Variants in NCAPG2 observed in about 807,000 individuals in gnomAD.
NCAPG2 encodes condensin-2 complex subunit G2.
Under a neutral mutation model 141.1 loss-of-function variants are expected in NCAPG2, and 53 were observed. That is an observed-to-expected ratio of 0.38 (90% confidence interval 0.30 to 0.47). The LOEUF (loss-of-function observed/expected upper bound fraction) is 0.47, where lower values mean the gene tolerates loss of function less well. Ranked by LOEUF, NCAPG2 falls within the 20% of genes least tolerant of loss-of-function variation. The pLI is 0.99. For synonymous variants in NCAPG2, 499 were observed against 490.7 expected, an observed-to-expected ratio of 1.02 and a Z score of -0.22; for missense variants, 1,087 against 1,389.0, an observed-to-expected ratio of 0.78 and a Z score of 3.46.
chr7:158,631,840 T>A, intron 27 of NCAPG2, 123 bp from the exon 28 acceptor site: 1 of 763,412 alleles, frequency 1.3e-6, no homozygotes, highest in Non-Finnish European at 2.2e-6. Context: ...AAAGTTGAAA[T>A]AATCTATAGA....
At chr7:158,666,824 C>T (rs1345855199) in intron 13 of NCAPG2, among the ~76,000 whole-genome samples, 1 of 152,088 alleles carries the variant, frequency 6.6e-6, no homozygotes, top group Non-Finnish European at 1.5e-5. Context: ...GTTGACATCT[C>T]CTGGCCCACT....
intron 12 of NCAPG2, among the ~76,000 whole-genome samples, chr7:158,674,661 T>A (rs4909093): frequency 5.3e-5 from 8 of 152,344 alleles, no homozygotes; most frequent in Admixed American, 5.2e-4. Flanking sequence ...CCACAGAAGC[T>A]CCCACTAGGG....
At chr7:158,664,120 TAA>T in intron 15 of NCAPG2, 62 bp downstream of exon 15, 1 of 1,220,508 alleles carries the variant, frequency 8.2e-7, no homozygotes, top group Non-Finnish European at 1.2e-6. Context: ...ATTCCTAACA[TAA>T]TGGCCCATGG....
intron 13 of NCAPG2, 133 bp from the exon 14 acceptor site, chr7:158,664,883 CTA>C: frequency 1.5e-6 from 1 of 684,470 alleles, no homozygotes; most frequent in Non-Finnish European, 2.4e-6. Flanking sequence ...CTTCGAATGA[CTA>C]CACCAAAATC....
Position 158,667,528 on chromosome 7 carries a change from C to CCCA in NCAPG2, c.1480-2779_1480-2778insTGG, listed in dbSNP as rs1187031783. Among the ~76,000 whole-genome samples the CCCA allele has an allele frequency of 6.2e-4, 31 of 49,656 alleles. 2 individuals carry two copies. The highest frequency in any genetic ancestry group is 2.3e-3 in the African/African-American group (22 of 9,440). 32.6% of individuals were successfully genotyped at this position (49,656 alleles called of 152,430 possible). On this transcript the variant is annotated intron_variant, in intron 13 of 27. Transcript: ENST00000356309. Reference sequence around the variant, plus strand: ...CTACTGGGTCCCTCCGCCCTCCTTACCTACCCTGTGGCCCTCCACCCGCTT... The same window carrying CCCA: ...CTACTGGGTCCCTCCGCCCTCCTTACCCACTACCCTGTGGCCCTCCACCCGCTT...
At position 158,669,233 on chromosome 7, in the gene NCAPG2, G is replaced by A. The variant is rs143077817; in HGVS notation, c.1479+2281C>T. On this transcript the variant is annotated intron_variant, in intron 13 of 27. Transcript: ENST00000356309. ...GTGAATAGTGCTTCAATGAACATACGCAAACATATATCTTTATAATAAAAT... is the reference window on the plus strand; with the variant it reads ...GTGAATAGTGCTTCAATGAACATACACAAACATATATCTTTATAATAAAAT... Among the ~76,000 whole-genome samples the A allele has an allele frequency of 4.7e-4, 71 of 152,194 alleles. 1 individual carries two copies. Among genetic ancestry groups the A allele is most frequent in the East Asian group, 2.5e-3 (13 of 5,182 alleles).
chr7:158,648,402 A>C (rs1831189634), intron 24 of NCAPG2, among the ~76,000 whole-genome samples: 1 of 152,212 alleles, frequency 6.6e-6, no homozygotes, highest in East Asian at 1.9e-4. Flanking sequence ...AGAAAAAAAA[A>C]CAGAAAGACT....
chr7:158,665,140 C>T (rs901784315), intron 13 of NCAPG2: 4 of 184,086 alleles, frequency 2.2e-5, no homozygotes, highest in Admixed American at 5.5e-5. Flanking sequence ...ACGTTTTTGA[C>T]GTGGACACTC....
At chr7:158,646,589 T>C (rs1260976905) in intron 24 of NCAPG2, 26 bp from the exon 25 acceptor site, 5 of 1,491,934 alleles carry the variant, frequency 3.4e-6, no homozygotes, top group African/African-American at 1.5e-5. Flanking sequence ...ATCAGCAAGT[T>C]GTAAACAGAG....
At chr7:158,677,525 C>CAAAAAAAA in intron 11 of NCAPG2, among the ~76,000 whole-genome samples, 8 of 90,400 alleles carry the variant, frequency 8.8e-5, no homozygotes, top group Admixed American at 1.1e-4. Context: ...AAAAATAAAG[C>CAAAAAAAA]AAAAAAAAAA....
At chr7:158,638,329 C>T (rs564102141) in intron 27 of NCAPG2, among the ~76,000 whole-genome samples, 3 of 152,318 alleles carry the variant, frequency 2.0e-5, no homozygotes, top group African/African-American at 7.2e-5. Context: ...CCCACTGCAA[C>T]CTCCACCTCA....
chr7:158,689,651 G>C (rs554582628), intron 6 of NCAPG2, among the ~76,000 whole-genome samples, 168 bp downstream of exon 6: 1 of 152,298 alleles, frequency 6.6e-6, no homozygotes, highest in East Asian at 1.9e-4. Flanking sequence ...GCAAGGACTT[G>C]TAAAATGTCT....
At chr7:158,653,855 TA>T (rs1309109798) in intron 22 of NCAPG2, among the ~76,000 whole-genome samples, 1 of 151,796 alleles carries the variant, frequency 6.6e-6, no homozygotes, top group East Asian at 2.0e-4. Flanking sequence ...GGATACTACT[TA>T]AAAACCATCC....
At chr7:158,671,174 TGG>T (rs1223521025) in intron 13 of NCAPG2, among the ~76,000 whole-genome samples, 1 of 1,284 alleles carries the variant, frequency 7.8e-4, no homozygotes, top group Admixed American at 0.011. Flanking sequence ...GGCAGGGGGG[TGG>T]GGGTGGGGGG....
Position 158,671,584 on chromosome 7 carries a change from T to C in NCAPG2, c.1409A>G (p.Asp470Gly). 1 of 1,614,238 alleles carries C rather than the reference T, an allele frequency of 6.2e-7. No homozygotes were observed. Among genetic ancestry groups the C allele is most frequent in the Non-Finnish European group, 8.5e-7 (1 of 1,180,040 alleles). Residue 470 changes from aspartate (D) to glycine (G), a missense_variant, in exon 13 of 28, where the codon GAC becomes GGC. Transcript: ENST00000356309. ...LLPALRYSLH[D>G]NSEKVRVAFV... ...AGCTACCCTCACTTTCTCCGAATTG[T>C]CGTGGAGACTGTATCTGAGAGCTGG...
rs767030905 is a variant in NCAPG2, at chr7:158,664,251, T to C, written c.1748A>G (p.Gln583Arg). 1.9e-6 allele frequency: 3 copies of C among 1,614,068 alleles called. No homozygotes were observed. The South Asian group carries it at 3.3e-5, about 18-fold the overall frequency. ...CTCTGGAGGCTCTCTCACTGCCCTC[T>C]GGATACAGGCATTTAAGCAATGACG... ...VIRHCLNACI[Q>R]RAVREPPEDE... The change falls in exon 15 of 28, where the codon CAG (glutamine) becomes CGG (arginine). Residue 583 changes from glutamine to arginine, a missense_variant. By Grantham distance (43) the Gln-to-Arg change is conservative. Transcript: ENST00000356309.
chr7:158,658,163 A>AAG (rs1554555881), intron 17 of NCAPG2, among the ~76,000 whole-genome samples, 175 bp downstream of exon 17: 3 of 151,928 alleles, frequency 2.0e-5, no homozygotes, highest in Admixed American at 2.0e-4. Flanking sequence ...AAAAAAAAAA[A>AAG]AAAGAAAATC....
chr7:158,692,673 G>A (rs529455076), intron 4 of NCAPG2, among the ~76,000 whole-genome samples, 169 bp downstream of exon 4: 119 of 152,264 alleles, frequency 7.8e-4, no homozygotes, highest in African/African-American at 2.6e-3. Flanking sequence ...CCCGGGAGGC[G>A]GAGGTTGCGG....
At chr7:158,667,413 C>G (rs1833125690) in intron 13 of NCAPG2, among the ~76,000 whole-genome samples, 1 of 91,922 alleles carries the variant, frequency 1.1e-5, no homozygotes, top group Admixed American at 9.8e-5. Context: ...CCCTCCTTAC[C>G]CACTACTGGG....
Sources: gnomAD v4.1 joint callset for allele counts (sites outside exome capture counted in the v4.1 genomes callset) on GRCh38, gnomAD v4.1.1 for gene constraint, MANE v1.5 for transcripts, NCBI Gene and HGNC (gene_info 2026-07-23, HGNC 2026-07-21) for gene names.